Variants in NRCAM observed in about 807,000 individuals in gnomAD.
NRCAM encodes neuronal cell adhesion molecule.
A neutral mutation model predicts 156.5 loss-of-function variants in NRCAM; 83 were observed. The ratio of observed to expected loss-of-function variants is 0.53; its 90% CI spans 0.44 to 0.64. NRCAM has a LOEUF of 0.64. NRCAM is among the 30% of genes least tolerant of loss of function. The pLI is 0.00. For missense variants in NRCAM, 1,417 were observed against 1,597.3 expected (o/e 0.89, Z 1.92); for synonymous variants, 538 against 563.9 (o/e 0.95, Z 0.65).
intron 5 of NRCAM, 71 bp from the exon 6 acceptor site, chr7:108,234,759 G>A (rs779380582): frequency 1.9e-6 from 2 of 1,077,760 alleles, no homozygotes; most frequent in East Asian, 2.4e-5. Context: ...ATTTTTTCCT[G>A]TATCAAAATC....
rs754917163 is a variant in NRCAM, at chr7:108,180,418, A to G, written c.2656T>C (p.Trp886Arg). Reference sequence around the variant, plus strand: ...CTTTTAGATGAACTCTGGGTCTTCCAATAGTAAATCTGAAACAGCAAGAAC... The same window carrying G: ...CTTTTAGATGAACTCTGGGTCTTCCGATAGTAAATCTGAAACAGCAAGAAC... ...GHLQGYRIYY[W>R]KTQSSSKRNR... is the part of the protein sequence containing the mutation. The change falls in exon 25 of 33, where the codon TGG (tryptophan) becomes CGG (arginine). Residue 886 changes from tryptophan (W) to arginine (R), a missense_variant. Transcript: ENST00000379028. The G allele has an allele frequency of 3.1e-6, 5 of 1,613,918 alleles. No individual in the cohort carries two copies. The highest frequency in any genetic ancestry group is 4.2e-6 in the Non-Finnish European group (5 of 1,179,778).
rs576792378 is a variant in NRCAM, at chr7:108,235,915, C to T, written c.125-1227G>A. On this transcript the variant is annotated intron_variant, in intron 5 of 32. Transcript: ENST00000379028. ...GGAGCTGTGCAATGCAGTGGCCATA[C>T]CACAGCACCTTTCCTCTGCATCTGG... 1.2e-4 allele frequency among the ~76,000 whole-genome samples: 18 copies of T among 152,258 alleles called. No individual in the cohort carries two copies. The South Asian group carries it at 3.7e-3, about 32-fold the overall frequency.
Position 108,331,763 on chromosome 7 carries a change from T to A in NRCAM, c.-173-19032A>T, listed in dbSNP as rs114513674. Among the ~76,000 whole-genome samples, 875 of 152,322 alleles carry A rather than the reference T, an allele frequency of 5.7e-3. 8 individuals are homozygous for A. Among genetic ancestry groups the A allele is most frequent in the African/African-American group, 0.02 (833 of 41,560 alleles). On this transcript the variant is annotated intron_variant, in intron 2 of 32. Coordinates refer to ENST00000379028, the MANE Select transcript of NRCAM (RefSeq NM_001037132.4). ...CAAGAGTTCTACTTGGAGCTACTCG[T>A]TTACCTTCATGATCTTTATTTTTGA...
chr7:108,249,548 C>T (rs915844990), intron 3 of NRCAM, among the ~76,000 whole-genome samples: 1 of 152,138 alleles, frequency 6.6e-6, no homozygotes, highest in African/African-American at 2.4e-5. Flanking sequence ...CATTTGTTTG[C>T]AAGAAAATTT....
intron 2 of NRCAM, among the ~76,000 whole-genome samples, chr7:108,319,462 G>C (rs1302063818): frequency 6.6e-6 from 1 of 152,114 alleles, no homozygotes; most frequent in African/African-American, 2.4e-5. Flanking sequence ...CCTATGATTT[G>C]CCAAGTTCTA....
chr7:108,271,702 A>C (rs1000287444), intron 3 of NRCAM, among the ~76,000 whole-genome samples: 1 of 152,084 alleles, frequency 6.6e-6, no homozygotes, highest in Non-Finnish European at 1.5e-5. Context: ...TCAAAAAAAA[A>C]AAAAAGAACC....
chr7:108,410,176 C>A (rs1374432028), intron 1 of NRCAM, among the ~76,000 whole-genome samples: 1 of 152,196 alleles, frequency 6.6e-6, no homozygotes, highest in East Asian at 1.9e-4. Flanking sequence ...TTAAAAACTT[C>A]ATTAAAGTAC....
intron 12 of NRCAM, 134 bp from the exon 13 acceptor site, chr7:108,207,793 AT>A: frequency 1.6e-6 from 1 of 629,834 alleles, no homozygotes; most frequent in Admixed American, 3.4e-5. Context: ...GAGCGAATAG[AT>A]TTATAAACAA....
chr7:108,234,477 C>T, intron 6 of NRCAM, 106 bp downstream of exon 6: 1 of 723,246 alleles, frequency 1.4e-6, no homozygotes, highest in South Asian at 1.8e-5. Context: ...AGGAAGTGCT[C>T]TACATAGTCT....
At chr7:108,368,071 G>A (rs913573055) in intron 2 of NRCAM, among the ~76,000 whole-genome samples, 2 of 151,986 alleles carry the variant, frequency 1.3e-5, no homozygotes, top group Non-Finnish European at 2.9e-5. Context: ...GAGCTCTGAG[G>A]TTGACTCTCT....
intron 13 of NRCAM, among the ~76,000 whole-genome samples, chr7:108,200,964 T>C (rs1030028093): frequency 1.3e-5 from 2 of 151,998 alleles, no homozygotes; most frequent in African/African-American, 4.8e-5. Context: ...GAATGATATA[T>C]TGAACTTTGG....
intron 20 of NRCAM, among the ~76,000 whole-genome samples, chr7:108,185,048 T>C (rs2153379935): frequency 6.6e-6 from 1 of 152,214 alleles, no homozygotes; most frequent in Admixed American, 6.5e-5. Flanking sequence ...GATGATCAAA[T>C]TTTTTTCATA....
chr7:108,283,688 T>C (rs1170524045), intron 3 of NRCAM, among the ~76,000 whole-genome samples: 1 of 152,218 alleles, frequency 6.6e-6, no homozygotes, highest in Non-Finnish European at 1.5e-5. Context: ...CTGCAGTGTG[T>C]GGCACTGTTG....
At chr7:108,352,233 C>A (rs1384391516) in intron 2 of NRCAM, among the ~76,000 whole-genome samples, 1 of 152,156 alleles carries the variant, frequency 6.6e-6, no homozygotes. Context: ...ATATTGCATC[C>A]TATTGGCAAG....
chr7:108,217,571 TA>T (rs2089971549), intron 11 of NRCAM, among the ~76,000 whole-genome samples: 1 of 152,236 alleles, frequency 6.6e-6, no homozygotes, highest in South Asian at 2.1e-4. Context: ...CTTTGATCTA[TA>T]AGCCTTTGAC....
intron 2 of NRCAM, among the ~76,000 whole-genome samples, chr7:108,323,499 A>G (rs1249067484): frequency 6.6e-6 from 1 of 152,210 alleles, no homozygotes; most frequent in African/African-American, 2.4e-5. Flanking sequence ...CATTTTAAGA[A>G]TTTTATCCTT....
intron 8 of NRCAM, among the ~76,000 whole-genome samples, chr7:108,228,865 C>T (rs6956041): frequency 0.073 from 11,175 of 152,160 alleles, 588 homozygotes; most frequent in African/African-American, 0.14. Context: ...ACTAGATTTA[C>T]TTAGCTATAT....
At chr7:108,390,566 A>G (rs868330721) in intron 2 of NRCAM, among the ~76,000 whole-genome samples, 1 of 151,696 alleles carries the variant, frequency 6.6e-6, no homozygotes, top group African/African-American at 2.4e-5. Flanking sequence ...TCGTGTCTCT[A>G]TCTCCTTCAG....
intron 3 of NRCAM, among the ~76,000 whole-genome samples, chr7:108,273,588 C>A (rs144988533): frequency 1.3e-5 from 2 of 150,878 alleles, no homozygotes; most frequent in Non-Finnish European, 3.0e-5. Context: ...ACTTTTTATG[C>A]GGTTGTTTTT....
Sources: gnomAD v4.1 joint callset for allele counts (sites outside exome capture counted in the v4.1 genomes callset) on GRCh38, gnomAD v4.1.1 for gene constraint, MANE v1.5 for transcripts, NCBI Gene and HGNC (gene_info 2026-07-23, HGNC 2026-07-21) for gene names.